The following HEXA variants were observed in gnomAD, a reference collection of about 807,000 sequenced individuals.
The protein encoded by HEXA is hexosaminidase subunit alpha.
HEXA carries 54 observed loss-of-function variants against 73.3 expected under a neutral mutation model. That is an observed-to-expected ratio of 0.74 (90% confidence interval 0.59 to 0.92). HEXA has a LOEUF of 0.92. Ranked by LOEUF, HEXA falls within the 40% of genes least tolerant of loss-of-function variation. HEXA has a pLI of 0.00. For missense variants in HEXA, 649 were observed against 653.0 expected (o/e 0.99, Z 0.07); for synonymous variants, 230 against 246.9 (o/e 0.93, Z 0.64).
intron 1 of HEXA, among the ~76,000 whole-genome samples, chr15:72,365,153 G>A (rs1460778914): frequency 4.6e-5 from 7 of 152,094 alleles, no homozygotes; most frequent in Non-Finnish European, 7.4e-5. Flanking sequence ...GCAATGGCGC[G>A]ATCTCGGCTC....
At chr15:72,365,411 T>C (rs1448386364) in intron 1 of HEXA, among the ~76,000 whole-genome samples, 1 of 152,238 alleles carries the variant, frequency 6.6e-6, no homozygotes, top group Non-Finnish European at 1.5e-5. Flanking sequence ...TCTTTTTACT[T>C]TTTAAAGTTA....
At chr15:72,348,937 G>A in intron 8 of HEXA, 142 bp downstream of exon 8, 2 of 733,512 alleles carry the variant, frequency 2.7e-6, no homozygotes, top group Non-Finnish European at 4.8e-6. Context: ...TAGATGGGCA[G>A]AGGAAGGCCT....
At chr15:72,347,812 G>T in intron 9 of HEXA, 54 bp from the exon 10 acceptor site, 1 of 1,527,584 alleles carries the variant, frequency 6.5e-7, no homozygotes, top group South Asian at 1.1e-5. Flanking sequence ...ATGGGTTCTA[G>T]ACTGTTTGTG....
intron 1 of HEXA, among the ~76,000 whole-genome samples, chr15:72,361,518 C>T (rs1313539255): frequency 3.3e-5 from 5 of 152,130 alleles, no homozygotes; most frequent in African/African-American, 1.2e-4. Context: ...ACTTGTACAC[C>T]TCCACTCAAA....
intron 1 of HEXA, among the ~76,000 whole-genome samples, chr15:72,363,510 T>C (rs1198338403): frequency 1.3e-5 from 2 of 152,180 alleles, no homozygotes; most frequent in Admixed American, 6.5e-5. Context: ...AAGGCCAACC[T>C]TGTCAAACTT....
chr15:72,368,665 T>C (rs959864932), intron 1 of HEXA, among the ~76,000 whole-genome samples: 3 of 152,196 alleles, frequency 2.0e-5, no homozygotes, highest in South Asian at 4.1e-4. Flanking sequence ...GCAGCTTCCC[T>C]GAAGGGTTTT....
intron 10 of HEXA, 66 bp from the exon 11 acceptor site, chr15:72,346,776 C>T (rs1182697436): frequency 6.2e-6 from 9 of 1,455,458 alleles, no homozygotes; most frequent in Non-Finnish European, 8.7e-6. Flanking sequence ...CTTATTCATA[C>T]ACAGGCAACA....
chr15:72,371,633 A>C (rs968179845), intron 1 of HEXA, among the ~76,000 whole-genome samples: 5 of 151,922 alleles, frequency 3.3e-5, no homozygotes, highest in African/African-American at 4.8e-5. Flanking sequence ...ACCCAAACCC[A>C]TAAAGCCTTC....
In HEXA at chr15:72,347,677, C is replaced by T; in HGVS notation, c.1146+9G>A. On this transcript the variant is annotated intron_variant, in intron 10 of 13. Transcript: ENST00000268097. ...CTGGTGGCTTCTTCTCTTCTCTGCCCCGGCTCACCTTTACTTTATTATCAA... is the reference window on the plus strand; with the variant it reads ...CTGGTGGCTTCTTCTCTTCTCTGCCTCGGCTCACCTTTACTTTATTATCAA... 6.2e-7 allele frequency: 1 copy of T among 1,613,428 alleles called. No homozygotes were observed. Among genetic ancestry groups the T allele is most frequent in the Non-Finnish European group, 8.5e-7 (1 of 1,179,376 alleles).
Position 72,375,990 on chromosome 15 carries a change from T to C in HEXA, c.-18A>G. On this transcript the variant is annotated 5_prime_UTR_variant, in exon 1 of 14. Coordinates refer to ENST00000268097, the MANE Select transcript of HEXA (RefSeq NM_000520.6). ...CTTGTCATGGCCCGCTGGTCTCCCC[T>C]CTCGGAGGGGGCTGGCCACGTGAGA... The C allele has an allele frequency of 1.2e-6, 2 of 1,611,090 alleles. No individual in the cohort carries two copies. The highest frequency in any genetic ancestry group is 2.2e-5 in the East Asian group (1 of 44,842).
intron 1 of HEXA, among the ~76,000 whole-genome samples, chr15:72,368,072 T>C (rs903102496): frequency 1.3e-5 from 2 of 152,178 alleles, no homozygotes; most frequent in Admixed American, 6.5e-5. Context: ...CCTAGTACTA[T>C]TGACAATTAA....
chr15:72,348,005 G>A, intron 9 of HEXA, 43 bp downstream of exon 9: 1 of 1,366,446 alleles, frequency 7.3e-7, no homozygotes, highest in South Asian at 1.2e-5. Context: ...GACCCCACAG[G>A]AGGACCCCCA....
At chr15:72,355,442 C>T (rs2088762738) in intron 3 of HEXA, 117 bp downstream of exon 3, 1 of 782,240 alleles carries the variant, frequency 1.3e-6, no homozygotes, top group South Asian at 1.4e-5. Flanking sequence ...GGGAAGATTG[C>T]TTGAGCCTAG....
chr15:72,346,507 G>A lies in HEXA; in HGVS notation c.1330+20C>T. 2 of 1,612,108 alleles carry A rather than the reference G, an allele frequency of 1.2e-6. No homozygotes were observed. Among genetic ancestry groups the A allele is most frequent in the Middle Eastern group, 1.7e-4 (1 of 6,032 alleles). On this transcript the variant is annotated intron_variant, in intron 11 of 13. Transcript: ENST00000268097. Reference sequence around the variant, plus strand: ...CAACCCAGCCTCCTTTGGTTAGCAAGGAGAGCTCTCTGCTTTCACCTTCAA... The same window carrying A: ...CAACCCAGCCTCCTTTGGTTAGCAAAGAGAGCTCTCTGCTTTCACCTTCAA...
At chr15:72,350,392 G>A in intron 7 of HEXA, 126 bp downstream of exon 7, 1 of 996,866 alleles carries the variant, frequency 1.0e-6, no homozygotes, top group South Asian at 1.3e-5. Context: ...CCAGGTGGAA[G>A]AAGTCGATGG....
intron 2 of HEXA, 90 bp downstream of exon 2, chr15:72,356,424 GGACTCCAGGCC>G: frequency 7.8e-7 from 1 of 1,281,748 alleles, no homozygotes; most frequent in South Asian, 1.2e-5. Context: ...GGGTCAAGGG[GGACTCCAGGCC>G]GAGCATCAGC....
rs1038206117 is a variant in HEXA at position 72,345,342 on chromosome 15, T to C, written c.1526+104A>G. 8 of 1,557,918 alleles carry C rather than the reference T, an allele frequency of 5.1e-6. No homozygotes were observed. In the African/African-American group the frequency reaches 9.5e-5, roughly 18 times the overall value. On this transcript the variant is annotated intron_variant, in intron 13 of 13. Transcript: ENST00000268097. Reference sequence around the variant, plus strand: ...TGGATGAGGGCTGACTATAAGCCTCTGTAAGTGTTAGCTATTGTTAATTAT... The same window carrying C: ...TGGATGAGGGCTGACTATAAGCCTCCGTAAGTGTTAGCTATTGTTAATTAT...
At chr15:72,365,945 A>G (rs2088911170) in intron 1 of HEXA, among the ~76,000 whole-genome samples, 1 of 151,998 alleles carries the variant, frequency 6.6e-6, no homozygotes, top group Admixed American at 6.6e-5. Flanking sequence ...CTGCACTTCT[A>G]TTTTTATACA....
chr15:72,350,500 C>T lies in HEXA; in HGVS notation c.805+18G>A. ...GCATAACAAGCAGAGTCCCTCTGGT[C>T]CCAGACATCATTCTTACCTGGTCCC... is the stretch of plus-strand genomic sequence containing the variant. On this transcript the variant is annotated intron_variant, in intron 7 of 13. Coordinates refer to ENST00000268097, the MANE Select transcript of HEXA (RefSeq NM_000520.6). The T allele has an allele frequency of 6.2e-7, 1 of 1,613,550 alleles. No individual in the cohort carries two copies. The highest frequency in any genetic ancestry group is 8.5e-7 in the Non-Finnish European group (1 of 1,179,808).
Sources: allele counts gnomAD v4.1 joint callset (sites outside exome capture counted in the v4.1 genomes callset), GRCh38; gene constraint gnomAD v4.1.1; transcripts MANE v1.5; gene names NCBI Gene and HGNC (gene_info 2026-07-23, HGNC 2026-07-21).